Variants in SPIDR observed in about 807,000 individuals in gnomAD.
SPIDR encodes the protein DNA repair-scaffolding protein.
A neutral mutation model predicts 104.6 loss-of-function variants in SPIDR; 93 were observed. The ratio of observed to expected loss-of-function variants is 0.89; its 90% confidence interval spans 0.75 to 1.06. The LOEUF is 1.06. Among genes scored for constraint, SPIDR ranks in the 50% least tolerant of loss-of-function variants. The pLI is 0.00. For synonymous variants in SPIDR, 431 were observed against 416.9 expected, an observed-to-expected ratio of 1.03 and a Z score of -0.41; for missense variants, 1,154 against 1,111.2, an observed-to-expected ratio of 1.04 and a Z score of -0.55.
intron 10 of SPIDR, among the ~76,000 whole-genome samples, chr8:47,613,609 T>G (rs1236460230): frequency 6.6e-6 from 1 of 152,208 alleles, no homozygotes; most frequent in African/African-American, 2.4e-5. Context: ...TTTTAAATTT[T>G]CACCAGTGGT....
At chr8:47,411,491 A>G in intron 7 of SPIDR, among the ~76,000 whole-genome samples, 1 of 151,988 alleles carries the variant, frequency 6.6e-6, no homozygotes, top group Non-Finnish European at 1.5e-5. Context: ...TCCTTTGCCC[A>G]CTTGTTGATG....
At chr8:47,650,117 G>A (rs1304542460) in intron 10 of SPIDR, among the ~76,000 whole-genome samples, 1 of 152,098 alleles carries the variant, frequency 6.6e-6, no homozygotes, top group Admixed American at 6.5e-5. Flanking sequence ...GAACAATCAG[G>A]CTACAGAATT....
At chr8:47,486,423 C>A (rs1311975105) in intron 8 of SPIDR, among the ~76,000 whole-genome samples, 1 of 152,150 alleles carries the variant, frequency 6.6e-6, no homozygotes, top group African/African-American at 2.4e-5. Flanking sequence ...ACCTGGAAAA[C>A]ACTCTGCGGA....
chr8:47,693,942 G>T (rs1270281027), intron 11 of SPIDR, among the ~76,000 whole-genome samples: 2 of 152,234 alleles, frequency 1.3e-5, no homozygotes. Flanking sequence ...TCCAGGGTGG[G>T]AGTGTGGGAG....
intron 5 of SPIDR, among the ~76,000 whole-genome samples, chr8:47,306,669 C>A (rs1387231814): frequency 2.0e-5 from 3 of 152,118 alleles, no homozygotes; most frequent in Non-Finnish European, 4.4e-5. Context: ...TCTGGTTATT[C>A]TATCCACTAT....
chr8:47,628,034 A>T (rs1452409974), intron 10 of SPIDR, among the ~76,000 whole-genome samples: 1 of 152,200 alleles, frequency 6.6e-6, no homozygotes, highest in East Asian at 1.9e-4. Context: ...TCATTCTGTC[A>T]TGGGATGTGA....
intron 8 of SPIDR, among the ~76,000 whole-genome samples, chr8:47,471,182 T>C (rs1474282981): frequency 2.6e-5 from 4 of 152,130 alleles, no homozygotes; most frequent in Non-Finnish European, 4.4e-5. Context: ...TTGAACTCTA[T>C]CAAAATTTGG....
At chr8:47,330,138 TTATC>T (rs2048403402) in intron 5 of SPIDR, among the ~76,000 whole-genome samples, 1 of 152,168 alleles carries the variant, frequency 6.6e-6, no homozygotes, top group Non-Finnish European at 1.5e-5. Context: ...CAGTTTTTGT[TTATC>T]TAAAAATGTA....
intron 14 of SPIDR, among the ~76,000 whole-genome samples, chr8:47,709,715 A>G (rs191649380): frequency 1.3e-4 from 20 of 152,312 alleles, no homozygotes; most frequent in African/African-American, 4.6e-4. Flanking sequence ...GGACAATTTT[A>G]TAGTTAATTT....
At position 47,484,031 on chromosome 8, in the gene SPIDR, T is replaced by C. The variant is rs186027189; in HGVS notation, c.1097+43489T>C. 1.8e-4 allele frequency among the ~76,000 whole-genome samples: 28 copies of C among 152,306 alleles called. No homozygotes were observed. In the East Asian group the frequency reaches 5.4e-3, roughly 29 times the overall value. On this transcript the variant is annotated intron_variant, in intron 8 of 19. Transcript: ENST00000297423. Reference sequence around the variant, plus strand: ...ATCTTTATCAAGTTAGCAAACGATTTCTATGATTGTCTATTTCCAGAGTAA... The same window carrying C: ...ATCTTTATCAAGTTAGCAAACGATTCCTATGATTGTCTATTTCCAGAGTAA...
intron 5 of SPIDR, among the ~76,000 whole-genome samples, chr8:47,319,211 A>G (rs1554592614): frequency 6.6e-6 from 1 of 152,228 alleles, no homozygotes; most frequent in Non-Finnish European, 1.5e-5. Context: ...TCTCATGTGC[A>G]GAAGACACAC....
intron 6 of SPIDR, among the ~76,000 whole-genome samples, chr8:47,398,526 CCT>C (rs2061492547): frequency 6.6e-6 from 1 of 152,096 alleles, no homozygotes; most frequent in Non-Finnish European, 1.5e-5. Flanking sequence ...TGAGGAGATG[CCT>C]CATTGAGCAG....
intron 5 of SPIDR, among the ~76,000 whole-genome samples, chr8:47,308,317 C>A (rs781838456): frequency 1.3e-5 from 2 of 151,950 alleles, no homozygotes; most frequent in Non-Finnish European, 2.9e-5. Context: ...CCCACCTCAG[C>A]CTCCCAAAGT....
intron 8 of SPIDR, among the ~76,000 whole-genome samples, chr8:47,537,640 T>C (rs2154387181): frequency 6.6e-6 from 1 of 152,316 alleles, no homozygotes; most frequent in African/African-American, 2.4e-5. Context: ...CGTGTCATTA[T>C]GCATTTGCCA....
intron 8 of SPIDR, among the ~76,000 whole-genome samples, chr8:47,558,863 G>A (rs1288012850): frequency 3.3e-5 from 5 of 152,054 alleles, no homozygotes; most frequent in African/African-American, 4.8e-5. Flanking sequence ...GATGAGTGTC[G>A]ATCTGACCTC....
intron 1 of SPIDR, among the ~76,000 whole-genome samples, chr8:47,272,259 G>A (rs905644358): frequency 4.6e-5 from 7 of 152,186 alleles, no homozygotes; most frequent in East Asian, 1.9e-4. Context: ...GAGCCACGTC[G>A]CCTGGCCTAT....
intron 10 of SPIDR, among the ~76,000 whole-genome samples, chr8:47,649,105 C>G (rs927001259): frequency 3.3e-5 from 5 of 151,864 alleles, no homozygotes; most frequent in Non-Finnish European, 7.4e-5. Flanking sequence ...AGAAGCCGGC[C>G]CAGGATGCAC....
intron 1 of SPIDR, among the ~76,000 whole-genome samples, chr8:47,278,312 C>T (rs2037004773): frequency 6.6e-6 from 1 of 151,088 alleles, no homozygotes; most frequent in Non-Finnish European, 1.5e-5. Flanking sequence ...CATGCCACCA[C>T]ACCCAGCTAT....
At chr8:47,569,622 T>A (rs1473842963) in intron 8 of SPIDR, among the ~76,000 whole-genome samples, 1 of 152,186 alleles carries the variant, frequency 6.6e-6, no homozygotes, top group African/African-American at 2.4e-5. Context: ...TGTTGAATAT[T>A]GTACTGGAGT....
Sources: gnomAD v4.1 joint callset for allele counts (sites outside exome capture counted in the v4.1 genomes callset) on GRCh38, gnomAD v4.1.1 for gene constraint, MANE v1.5 for transcripts, NCBI Gene and HGNC (gene_info 2026-07-23, HGNC 2026-07-21) for gene names.